Variants in NTM observed in about 807,000 individuals in gnomAD.
The protein encoded by NTM is neurotrimin, also known as IgLON family member 2.
A neutral mutation model predicts 42.1 loss-of-function variants in NTM; 13 were observed. That is an observed-to-expected ratio of 0.31 (90% CI 0.20 to 0.49). NTM has a LOEUF of 0.49. Ranked by LOEUF, NTM falls within the 20% of genes least tolerant of loss-of-function variation. NTM has a pLI of 0.99. For synonymous variants in NTM, 187 were observed against 179.2 expected (o/e 1.04, Z -0.35); for missense variants, 373 against 452.8 (o/e 0.82, Z 1.60).
At chr11:132,060,356 C>G (rs1256316833) in intron 2 of NTM, among the ~76,000 whole-genome samples, 1 of 152,154 alleles carries the variant, frequency 6.6e-6, no homozygotes, top group Non-Finnish European at 1.5e-5. Context: ...AGACATTATC[C>G]TCCAAAATAC....
chr11:131,403,240 C>A (rs1238013463), intron 1 of NTM, among the ~76,000 whole-genome samples: 1 of 152,156 alleles, frequency 6.6e-6, no homozygotes, highest in Non-Finnish European at 1.5e-5. Flanking sequence ...ACTGAGTGAG[C>A]AATGGCTCAA....
intron 7 of NTM, among the ~76,000 whole-genome samples, chr11:132,320,533 G>A (rs188760013): frequency 3.0e-4 from 45 of 152,308 alleles, no homozygotes; most frequent in African/African-American, 9.4e-4. Flanking sequence ...CCTACCCCAC[G>A]GAGTCTCGCT....
chr11:131,408,252 C>T (rs1046369842), intron 1 of NTM, among the ~76,000 whole-genome samples: 5 of 152,162 alleles, frequency 3.3e-5, no homozygotes, highest in Admixed American at 2.0e-4. Context: ...CTCTTGCTCA[C>T]GTTTGCAAAA....
In NTM at chr11:131,906,464, A is replaced by G. The variant is rs368668935; in HGVS notation, c.83-5100A>G. 1.3e-4 allele frequency among the ~76,000 whole-genome samples: 20 copies of G among 152,260 alleles called. 2 individuals are homozygous for G. The highest frequency in any genetic ancestry group is 4.8e-4 in the African/African-American group (20 of 41,546). ...TTCACTTAAGAAATGAATGGATTATACTAAAGATCTTCCAAGGTCCCTTCT... is the reference window on the plus strand; with the variant it reads ...TTCACTTAAGAAATGAATGGATTATGCTAAAGATCTTCCAAGGTCCCTTCT... On this transcript the variant is annotated intron_variant, in intron 1 of 8. Transcript: ENST00000683400.
chr11:132,230,644 A>T (rs1216176892), intron 4 of NTM, among the ~76,000 whole-genome samples: 1 of 152,238 alleles, frequency 6.6e-6, no homozygotes, highest in African/African-American at 2.4e-5. Flanking sequence ...CTGTCAAGTT[A>T]AGACCGTGAT....
At chr11:131,521,991 C>T (rs373436246) in intron 1 of NTM, among the ~76,000 whole-genome samples, 67 of 152,142 alleles carry the variant, frequency 4.4e-4, no homozygotes, top group Middle Eastern at 3.4e-3. Flanking sequence ...AAATTATAAG[C>T]AAATTAAAAT....
chr11:131,440,819 A>G (rs1949557347), intron 1 of NTM, among the ~76,000 whole-genome samples: 1 of 5,926 alleles, frequency 1.7e-4, no homozygotes, highest in South Asian at 4.0e-3. Flanking sequence ...GCCTCCATAA[A>G]AAAAAAAAAA....
At chr11:131,884,162 C>G (rs181506090) in intron 1 of NTM, among the ~76,000 whole-genome samples, 63 of 152,270 alleles carry the variant, frequency 4.1e-4, no homozygotes, top group Non-Finnish European at 7.6e-4. Context: ...GTAATCCCAG[C>G]ACTTTGGGAG....
intron 2 of NTM, among the ~76,000 whole-genome samples, chr11:131,935,369 G>A (rs911092334): frequency 2.0e-5 from 3 of 152,220 alleles, no homozygotes; most frequent in African/African-American, 7.2e-5. Flanking sequence ...GATTCAGAAT[G>A]TCGGGCTTTT....
chr11:132,142,669 C>A (rs899530315), intron 2 of NTM, among the ~76,000 whole-genome samples: 1 of 152,088 alleles, frequency 6.6e-6, no homozygotes, highest in Non-Finnish European at 1.5e-5. Context: ...AAGACTGATA[C>A]CCAGCAGTGA....
intron 1 of NTM, among the ~76,000 whole-genome samples, chr11:131,509,196 C>T (rs574537355): frequency 5.1e-4 from 78 of 152,266 alleles, no homozygotes; most frequent in Middle Eastern, 6.8e-3. Flanking sequence ...GTCACACTAC[C>T]TCAGATGGAA....
intron 2 of NTM, among the ~76,000 whole-genome samples, chr11:132,078,434 C>T (rs1282971725): frequency 4.6e-5 from 7 of 152,192 alleles, no homozygotes; most frequent in Admixed American, 6.5e-5. Context: ...CCACCGGTGA[C>T]GCTAGCAGTA....
chr11:131,857,701 G>A (rs1352788975), intron 1 of NTM, among the ~76,000 whole-genome samples: 1 of 152,104 alleles, frequency 6.6e-6, no homozygotes, highest in East Asian at 1.9e-4. Flanking sequence ...CCGCAGATTT[G>A]TACATCTTTC....
At chr11:132,124,143 A>C (rs190022633) in intron 2 of NTM, among the ~76,000 whole-genome samples, 2 of 152,056 alleles carry the variant, frequency 1.3e-5, no homozygotes, top group Non-Finnish European at 2.9e-5. Context: ...TGATCAATAA[A>C]CGTTAGTCAG....
intron 1 of NTM, among the ~76,000 whole-genome samples, chr11:131,422,901 C>T (rs983353498): frequency 2.6e-5 from 4 of 152,180 alleles, no homozygotes; most frequent in Admixed American, 6.5e-5. Context: ...TCTTCCTGCT[C>T]TTGTTTCTAC....
intron 2 of NTM, among the ~76,000 whole-genome samples, chr11:132,006,649 T>C (rs537533493): frequency 6.6e-6 from 1 of 152,352 alleles, no homozygotes; most frequent in Admixed American, 6.5e-5. Context: ...AGCTCTGCAG[T>C]CATTTCCTTT....
rs1041296805 is a variant in NTM at position 131,725,859 on chromosome 11, G to A, written c.83-185705G>A. 3.9e-5 allele frequency among the ~76,000 whole-genome samples: 6 copies of A among 152,288 alleles called. No individual in the cohort carries two copies. In the South Asian group the frequency reaches 8.3e-4, roughly 21 times the overall value. ...CTTCAGCGTGAATCAGAACCACCTG[G>A]AGAGCTTGTGGAGCGACAGACCACT... On this transcript the variant is annotated intron_variant, in intron 1 of 8. Transcript: ENST00000683400.
chr11:132,240,912 C>G (rs908791922), intron 4 of NTM, among the ~76,000 whole-genome samples: 2 of 152,224 alleles, frequency 1.3e-5, no homozygotes, highest in African/African-American at 4.8e-5. Flanking sequence ...AGAAATGTTC[C>G]AAAATCCAAA....
At chr11:131,616,636 G>C (rs771577362) in intron 1 of NTM, among the ~76,000 whole-genome samples, 2 of 152,112 alleles carry the variant, frequency 1.3e-5, no homozygotes, top group African/African-American at 4.8e-5. Flanking sequence ...AAGATGATGA[G>C]ATACGGAGAC....
Sources: gnomAD v4.1 joint callset for allele counts (sites outside exome capture counted in the v4.1 genomes callset) on GRCh38, gnomAD v4.1.1 for gene constraint, MANE v1.5 for transcripts, NCBI Gene and HGNC (gene_info 2026-07-23, HGNC 2026-07-21) for gene names.